The following VBP1 variants were observed in gnomAD, a reference collection of about 807,000 sequenced individuals.
The protein encoded by VBP1 is VHL binding protein 1.
In VBP1, 4 loss-of-function variants were observed where a neutral mutation model predicts 15.5. The observed-to-expected ratio is 0.26, with a 90% CI of 0.13 to 0.59. VBP1 has a LOEUF of 0.59. Among genes scored for constraint, VBP1 ranks in the 20% least tolerant of loss-of-function variants. The pLI is 0.90. For missense variants in VBP1, 108 were observed against 139.6 expected (o/e 0.77, Z 1.14); for synonymous variants, 61 against 52.1 (o/e 1.17, Z -0.74).
intron 4 of VBP1, among the ~76,000 whole-genome samples, chrX:155,232,228 CTT>C (rs200591228): frequency 1.0e-5 from 1 of 100,305 alleles, no homozygotes. Context: ...GATTCTTTTT[CTT>C]TTTTTTTTTG....
Position 155,238,836 on chromosome X carries a change from A to G in VBP1, c.588A>G (p.Lys196=), listed in dbSNP as rs781842061. The G allele has an allele frequency of 8.3e-7, 1 of 1,200,050 alleles. No individual in the cohort carries two copies. The highest frequency in any genetic ancestry group is 1.8e-5 in the South Asian group (1 of 54,689). The change falls in exon 6 of 6, where the codon AAA becomes AAG. Residue 196 remains lysine, a synonymous_variant. Coordinates refer to ENST00000286428, the MANE Select transcript of VBP1 (RefSeq NM_003372.7). ...RRNKDDSTKN[K]A ...ACAAGGATGACTCTACCAAGAACAA[A>G]GCATAATGCTGGCAATTAAAAATGT...
intron 4 of VBP1, among the ~76,000 whole-genome samples, chrX:155,232,353 G>A (rs886422160): frequency 9.1e-6 from 1 of 109,696 alleles, no homozygotes; most frequent in Non-Finnish European, 1.9e-5. Context: ...GCTCTTAGAA[G>A]TTTTAAATTT....
intron 1 of VBP1, among the ~76,000 whole-genome samples, chrX:155,217,100 G>A (rs1312789309): frequency 8.9e-6 from 1 of 112,290 alleles, no homozygotes. Flanking sequence ...TAGGTTGGGA[G>A]TGTAAAGTCC....
intron 2 of VBP1, among the ~76,000 whole-genome samples, chrX:155,224,795 A>G (rs1331829382): frequency 8.9e-6 from 1 of 111,853 alleles, no homozygotes; most frequent in Non-Finnish European, 1.9e-5. Context: ...CACTTTTTCT[A>G]TCGTCTGTTA....
intron 2 of VBP1, among the ~76,000 whole-genome samples, chrX:155,226,512 G>A (rs2074720673): frequency 8.9e-6 from 1 of 112,078 alleles, no homozygotes; most frequent in African/African-American, 3.2e-5. Flanking sequence ...CAACATAAAA[G>A]TTAAGGAAGA....
chrX:155,233,831 G>T (rs960236263), intron 4 of VBP1, among the ~76,000 whole-genome samples: 2 of 110,912 alleles, frequency 1.8e-5, no homozygotes, highest in Non-Finnish European at 3.8e-5. Flanking sequence ...TTAAGTTTGT[G>T]AAAATACATC....
At chrX:155,233,935 G>A (rs2081880912) in intron 4 of VBP1, among the ~76,000 whole-genome samples, 1 of 110,335 alleles carries the variant, frequency 9.1e-6, no homozygotes, top group South Asian at 3.8e-4. Context: ...CAAAGTGTAA[G>A]TGAACGAATC....
intron 2 of VBP1, among the ~76,000 whole-genome samples, chrX:155,222,911 C>A (rs1244375544): frequency 9.0e-6 from 1 of 111,484 alleles, no homozygotes; most frequent in Non-Finnish European, 1.9e-5. Context: ...GGTGTGATCA[C>A]AGCTCACTGC....
chrX:155,232,330 G>C (rs1470207634), intron 4 of VBP1, among the ~76,000 whole-genome samples: 2 of 108,920 alleles, frequency 1.8e-5, no homozygotes, highest in Middle Eastern at 4.7e-3. Context: ...TCTGTCACTT[G>C]TCTTTTGTGG....
At chrX:155,208,021 G>T (rs1178145399) in intron 1 of VBP1, among the ~76,000 whole-genome samples, 2 of 111,868 alleles carry the variant, frequency 1.8e-5, no homozygotes, top group Non-Finnish European at 3.8e-5. Context: ...TTACCCAGTT[G>T]TTCTTAAGTA....
rs41314159 is a variant in VBP1 at position 155,239,182 on chromosome X, A to G, written c.*340A>G. The stretch of plus-strand genomic sequence containing the variant: ...TACTTTTTCCCTTTCTAATTGGCTG[A>G]TGTTACTCTCACTTGATGTGGTTAA... On this transcript the variant is annotated 3_prime_UTR_variant, in exon 6 of 6. Coordinates refer to ENST00000286428, the MANE Select transcript of VBP1 (RefSeq NM_003372.7). 902 of 141,838 alleles carry G rather than the reference A, an allele frequency of 6.4e-3. 5 individuals carry two copies. Among genetic ancestry groups the G allele is most frequent in the Non-Finnish European group, 0.01 (741 of 73,896 alleles). 11.7% of individuals were successfully genotyped at this position (141,838 alleles called of 1,213,427 possible).
chrX:155,199,009 G>A lies in VBP1; in HGVS notation c.-31+1870G>A, dbSNP rs1199123120. On this transcript the variant is annotated intron_variant, in intron 1 of 6. Coordinates refer to the VBP1 transcript ENST00000535916. ...CGATCAACTGGAAGAAAGGGTATCA[G>A]TGATGGAAGATGAAATGAATGAATG... Among the ~76,000 whole-genome samples, 24 of 111,600 alleles carry A rather than the reference G, an allele frequency of 2.2e-4. No homozygotes were observed. The Admixed American group carries it at 2.3e-3, about 11-fold the overall frequency.
intron 2 of VBP1, among the ~76,000 whole-genome samples, chrX:155,222,897 C>T (rs1181739878): frequency 1.8e-5 from 2 of 111,524 alleles, no homozygotes; most frequent in African/African-American, 6.5e-5. Flanking sequence ...GGCCAGAGTG[C>T]GGTGGTGTGA....
chrX:155,228,547 A>G (rs2074730766), intron 4 of VBP1, 65 bp downstream of exon 4: 1 of 940,259 alleles, frequency 1.1e-6, no homozygotes, highest in South Asian at 2.2e-5. Context: ...TAGCAAACAC[A>G]CTGGTTTTGC....
chrX:155,201,491 C>G (rs1274227279), intron 1 of VBP1, among the ~76,000 whole-genome samples: 1 of 90,183 alleles, frequency 1.1e-5, no homozygotes, highest in African/African-American at 5.0e-5. Flanking sequence ...AGCATATAAA[C>G]AGAACCAAAG....
At chrX:155,200,073 T>C (rs2074596167) in intron 1 of VBP1, among the ~76,000 whole-genome samples, 1 of 98,638 alleles carries the variant, frequency 1.0e-5, no homozygotes, top group Non-Finnish European at 2.1e-5. Flanking sequence ...CCTAAATATA[T>C]ATGCACCCAA....
chrX:155,216,387 G>A (rs1557308997), upstream of VBP1: 15 of 1,134,858 alleles, frequency 1.3e-5, no homozygotes, highest in Middle Eastern at 3.3e-4. Context: ...GAATGTGCAT[G>A]GAGATGGAGA....
At chrX:155,201,332 C>A (rs1156692820) in intron 1 of VBP1, among the ~76,000 whole-genome samples, 2 of 106,163 alleles carry the variant, frequency 1.9e-5, no homozygotes, top group African/African-American at 7.0e-5. Flanking sequence ...GACCAATATC[C>A]TTGATGAACA....
intron 2 of VBP1, among the ~76,000 whole-genome samples, chrX:155,225,351 G>A (rs940522818): frequency 9.0e-6 from 1 of 111,426 alleles, no homozygotes; most frequent in East Asian, 2.8e-4. Context: ...GCACCACCAC[G>A]CCCAGCTAAT....
Sources: gnomAD v4.1 joint callset for allele counts (sites outside exome capture counted in the v4.1 genomes callset) on GRCh38, gnomAD v4.1.1 for gene constraint, MANE v1.5 for transcripts, NCBI Gene and HGNC (gene_info 2026-07-23, HGNC 2026-07-21) for gene names.